Variants in OCA2 observed in about 807,000 individuals in gnomAD.
OCA2 encodes P protein.
A neutral mutation model predicts 100.2 loss-of-function variants in OCA2; 77 were observed. The observed-to-expected ratio is 0.77, with a 90% confidence interval of 0.64 to 0.93. OCA2 has a LOEUF of 0.93. Among genes scored for constraint, OCA2 ranks in the 40% least tolerant of loss-of-function variants. OCA2 has a pLI of 0.00. For missense variants in OCA2, 1,062 were observed against 1,089.1 expected, an observed-to-expected ratio of 0.98 and a Z score of 0.35; for synonymous variants, 432 against 439.2, an observed-to-expected ratio of 0.98 and a Z score of 0.21.
intron 16 of OCA2, among the ~76,000 whole-genome samples, chr15:27,956,916 G>A (rs2040240660): frequency 6.6e-6 from 1 of 152,212 alleles, no homozygotes; most frequent in Non-Finnish European, 1.5e-5. Context: ...TTGTTCATAA[G>A]GGTTCACATT....
At chr15:27,986,554 G>A (rs1439086539) in intron 12 of OCA2, 33 bp downstream of exon 12, 1 of 1,299,680 alleles carries the variant, frequency 7.7e-7, no homozygotes. Flanking sequence ...AAATTAATCA[G>A]GATAGAATTA....
At chr15:28,088,569 A>G (rs1406871265) in intron 1 of OCA2, among the ~76,000 whole-genome samples, 2 of 152,172 alleles carry the variant, frequency 1.3e-5, no homozygotes, top group Admixed American at 6.5e-5. Context: ...GGCTGGTCTG[A>G]GAAATAAAGG....
the OCA2 span, among the ~76,000 whole-genome samples, chr15:27,722,884 C>G: frequency 4.6e-5 from 7 of 151,002 alleles, no homozygotes; most frequent in Non-Finnish European, 8.8e-5. Context: ...CTCTGTTGCC[C>G]AGGCTGGAGT....
At chr15:27,724,771 T>G in the OCA2 span, among the ~76,000 whole-genome samples, 1 of 151,882 alleles carries the variant, frequency 6.6e-6, no homozygotes, top group Non-Finnish European at 1.5e-5. Context: ...CATACCTGAT[T>G]CTTTCCTGCC....
chr15:27,783,744 T>C (rs746459501), intron 23 of OCA2, among the ~76,000 whole-genome samples: 1 of 152,362 alleles, frequency 6.6e-6, no homozygotes. Flanking sequence ...TGAACCTCAC[T>C]GAGTGCTCAC....
chr15:27,959,952 G>A (rs934374577), intron 15 of OCA2, among the ~76,000 whole-genome samples: 1 of 152,172 alleles, frequency 6.6e-6, no homozygotes, highest in Admixed American at 6.5e-5. Context: ...TTGCCCAGAA[G>A]GGTTCACCCA....
At chr15:27,903,921 C>A (rs2038066130) in intron 19 of OCA2, among the ~76,000 whole-genome samples, 1 of 152,134 alleles carries the variant, frequency 6.6e-6, no homozygotes, top group Non-Finnish European at 1.5e-5. Flanking sequence ...ATTAGAATAA[C>A]CTGTAGCATA....
intron 21 of OCA2, among the ~76,000 whole-genome samples, chr15:27,869,055 C>G (rs2036439815): frequency 6.6e-6 from 1 of 152,246 alleles, no homozygotes; most frequent in Admixed American, 6.5e-5. Flanking sequence ...CCGCTTCCAG[C>G]CTGAGGCAGC....
intron 23 of OCA2, among the ~76,000 whole-genome samples, chr15:27,806,700 G>A (rs2033866980): frequency 6.6e-6 from 1 of 152,248 alleles, no homozygotes; most frequent in African/African-American, 2.4e-5. Flanking sequence ...TAAAGAAGAG[G>A]TGTCAAAAAG....
At chr15:27,960,119 T>C (rs2040360661) in intron 15 of OCA2, among the ~76,000 whole-genome samples, 2 of 152,210 alleles carry the variant, frequency 1.3e-5, no homozygotes, top group African/African-American at 2.4e-5. Flanking sequence ...TGCAAACTCA[T>C]AGCTAAACAC....
At chr15:27,861,065 A>C (rs2036112111) in intron 21 of OCA2, among the ~76,000 whole-genome samples, 1 of 152,208 alleles carries the variant, frequency 6.6e-6, no homozygotes. Flanking sequence ...ATACGTCTGA[A>C]GCTCCTTTTC....
chr15:27,895,994 G>T, intron 19 of OCA2: 1 of 852,156 alleles, frequency 1.2e-6, no homozygotes, highest in East Asian at 2.4e-5. Context: ...TTACGCTGCG[G>T]TGTATTGTAC....
chr15:27,825,788 G>GC (rs1380228406), intron 23 of OCA2, among the ~76,000 whole-genome samples: 1 of 152,146 alleles, frequency 6.6e-6, no homozygotes, highest in Non-Finnish European at 1.5e-5. Context: ...GCAGTGATTG[G>GC]CCCCATGCCA....
intron 2 of OCA2, among the ~76,000 whole-genome samples, chr15:28,060,972 C>A (rs1040884442): frequency 6.6e-6 from 1 of 152,218 alleles, no homozygotes. Flanking sequence ...GCGTTTGCCA[C>A]AAACAATGAG....
intron 23 of OCA2, among the ~76,000 whole-genome samples, chr15:27,792,310 A>G (rs1390916459): frequency 1.3e-5 from 2 of 151,780 alleles, no homozygotes; most frequent in Non-Finnish European, 2.9e-5. Context: ...CTTTTTATGC[A>G]CATGAATGAA....
chr15:27,942,221 GATATT>G (rs1334953504), intron 18 of OCA2, among the ~76,000 whole-genome samples: 4 of 148,118 alleles, frequency 2.7e-5, no homozygotes, highest in African/African-American at 9.8e-5. Flanking sequence ...TATAATATAT[GATATT>G]ATATATGATA....
intron 2 of OCA2, among the ~76,000 whole-genome samples, chr15:28,057,575 C>G (rs2141628502): frequency 6.6e-6 from 1 of 152,152 alleles, no homozygotes. Flanking sequence ...ATGTCTGCTC[C>G]CCACCAAGAA....
At chr15:27,906,710 T>C (rs1193642048) in intron 19 of OCA2, among the ~76,000 whole-genome samples, 1 of 151,124 alleles carries the variant, frequency 6.6e-6, no homozygotes, top group African/African-American at 2.4e-5. Flanking sequence ...AAAACGACAA[T>C]GGAGCAATAT....
intron 23 of OCA2, among the ~76,000 whole-genome samples, chr15:27,844,256 G>A (rs1464076713): frequency 3.9e-5 from 6 of 152,184 alleles, no homozygotes; most frequent in African/African-American, 1.4e-4. Flanking sequence ...CCACACAAGA[G>A]AGGGACGCCA....
Sources: gnomAD v4.1 joint callset for allele counts (sites outside exome capture counted in the v4.1 genomes callset) on GRCh38, gnomAD v4.1.1 for gene constraint, MANE v1.5 for transcripts, NCBI Gene and HGNC (gene_info 2026-07-23, HGNC 2026-07-21) for gene names.